HAUS2: variants seen among roughly 807,000 people sequenced by gnomAD.
The protein encoded by HAUS2 is HAUS augmin like complex subunit 2, also known as HAUS augmin-like complex subunit 2.
In HAUS2, 20 loss-of-function variants were observed where a neutral mutation model predicts 21.6. That is an observed-to-expected ratio of 0.93 (90% CI 0.65 to 1.35). The LOEUF is 1.35. HAUS2 is among the 40% of genes most tolerant of loss of function. The probability of loss-of-function intolerance (pLI) is 0.00; values close to 1 mark genes in which losing one functional copy is unlikely to be tolerated. For missense variants in HAUS2, 297 were observed against 280.7 expected (o/e 1.06, Z -0.42); for synonymous variants, 113 against 95.6 (o/e 1.18, Z -1.06).
intron 1 of HAUS2, among the ~76,000 whole-genome samples, chr15:42,556,261 C>CTTTTTTTTT (rs1200353279): frequency 7.9e-5 from 6 of 76,302 alleles, no homozygotes; most frequent in African/African-American, 1.2e-4. Context: ...TGCGCCCAGG[C>CTTTTTTTTT]TTTTTTTTTT....
rs1343977743 is a variant in HAUS2 at position 42,567,030 on chromosome 15, T to TA, written c.*220dup. ...TACCTTTCAGTAAAACTAGAGAAGC[T>TA]AAAAAATAGCCATGACAATTTATTA... On this transcript the variant is annotated 3_prime_UTR_variant, in exon 6 of 6. Coordinates refer to ENST00000260372, the MANE Select transcript of HAUS2 (RefSeq NM_018097.3). The TA allele has an allele frequency of 2.5e-6, 1 of 405,238 alleles. No homozygotes were observed. The highest frequency in any genetic ancestry group is 2.1e-5 in the African/African-American group (1 of 48,202). 25.1% of individuals were successfully genotyped at this position (405,238 alleles called of 1,614,324 possible). A position where few individuals can be genotyped will look rare whatever the true frequency, so the allele number is the denominator to read the frequency against.
chr15:42,555,779 T>A (rs1043024198), intron 1 of HAUS2, among the ~76,000 whole-genome samples: 1 of 152,198 alleles, frequency 6.6e-6, no homozygotes, highest in African/African-American at 2.4e-5. Flanking sequence ...AGTAAACTTT[T>A]ACTATGAAGA....
Position 42,561,271 on chromosome 15 carries a change from T to C in HAUS2, c.258T>C (p.Ala86=). 1.3e-6 allele frequency: 2 copies of C among 1,528,336 alleles called. No individual in the cohort carries two copies. Among genetic ancestry groups the C allele is most frequent in the Non-Finnish European group, 1.8e-6 (2 of 1,102,612 alleles). The allele number at this position is 1,528,336 out of a possible 1,614,324, so 94.7% of individuals were successfully genotyped here. The change falls in exon 4 of 6, where the codon GCT becomes GCC. Residue 86 remains alanine, a splice_region_variant and synonymous_variant. Transcript: ENST00000260372. Reference sequence around the variant, plus strand: ...ATTACTGTTTTTTAATTTGTATAGCTCAGAAGTGTCATACTCTGCAAAGCA... The same window carrying C: ...ATTACTGTTTTTTAATTTGTATAGCCCAGAAGTGTCATACTCTGCAAAGCA... ...TADVVHPFFL[A]QKCHTLQSMN...
intron 3 of HAUS2, chr15:42,560,654 T>TA (rs2141601645): frequency 1.8e-6 from 1 of 555,226 alleles, no homozygotes; most frequent in African/African-American, 1.9e-5. Flanking sequence ...TGTCACTCTG[T>TA]AACCCAGGCT....
Position 42,563,684 on chromosome 15 carries a change from A to G in HAUS2, c.390-65A>G. 3 of 820,124 alleles carry G rather than the reference A, an allele frequency of 3.7e-6. No homozygotes were observed. In the South Asian group the frequency reaches 4.2e-5, roughly 12 times the overall value. 50.8% of individuals were successfully genotyped at this position (820,124 alleles called of 1,614,324 possible). On this transcript the variant is annotated intron_variant, in intron 4 of 5. Transcript: ENST00000260372. ...TCAAATTAAAAGTCCTGATTAAAGG[A>G]GAAGAAAAGGAACGTAAAACAATTA... is the stretch of plus-strand genomic sequence containing the variant.
rs2057851423 is a variant in HAUS2, at chr15:42,561,324, A to G, written c.311A>G (p.Lys104Arg). The change falls in exon 4 of 6, where the codon AAA becomes AGA. Residue 104 changes from lysine to arginine, a missense_variant. Lys to Arg is a conservative substitution (Grantham distance 26). Transcript: ENST00000260372. ...SMNNHLEAVL[K>R]EKRSLRQRLL... is the part of the protein sequence containing the mutation. ...AATAATCATTTGGAAGCAGTGCTGA[A>G]AGAGAAGAGATCCCTTAGGCAAAGA... The G allele has an allele frequency of 1.3e-6, 2 of 1,569,776 alleles. No homozygotes were observed. The highest frequency in any genetic ancestry group is 1.8e-6 in the Non-Finnish European group (2 of 1,139,796).
chr15:42,564,265 C>T (rs1180197652), intron 5 of HAUS2, among the ~76,000 whole-genome samples: 7 of 143,488 alleles, frequency 4.9e-5, no homozygotes, highest in Admixed American at 4.9e-4. Flanking sequence ...CTCCATCTCC[C>T]ATTAAAAAAA....
chr15:42,554,508 T>A (rs919157101), intron 1 of HAUS2, among the ~76,000 whole-genome samples: 1 of 151,540 alleles, frequency 6.6e-6, no homozygotes, highest in Non-Finnish European at 1.5e-5. Context: ...TTTTTTTTTT[T>A]AAGAGAGAGT....
At chr15:42,566,455 T>A (rs1166447716) in intron 5 of HAUS2, 152 bp from the exon 6 acceptor site, 5 of 605,788 alleles carry the variant, frequency 8.3e-6, no homozygotes, top group African/African-American at 1.9e-5. Flanking sequence ...AGTAGGTTTG[T>A]ACTGTAAGAA....
At chr15:42,553,139 A>G (rs1030141216) in intron 1 of HAUS2, among the ~76,000 whole-genome samples, 1 of 151,918 alleles carries the variant, frequency 6.6e-6, no homozygotes. Context: ...GGCACATACC[A>G]CCACGCCCGG....
At chr15:42,554,956 T>G (rs1039196909) in intron 1 of HAUS2, among the ~76,000 whole-genome samples, 3 of 151,492 alleles carry the variant, frequency 2.0e-5, no homozygotes, top group African/African-American at 7.3e-5. Flanking sequence ...GCCTCCCAAG[T>G]AGCTGGGACT....
intron 1 of HAUS2, among the ~76,000 whole-genome samples, chr15:42,554,803 A>G (rs950652023): frequency 2.0e-5 from 3 of 149,444 alleles, no homozygotes; most frequent in African/African-American, 4.9e-5. Context: ...TTTATTTTTC[A>G]TACTGCCCCA....
chr15:42,561,134 A>C, intron 3 of HAUS2, 136 bp from the exon 4 acceptor site: 1 of 598,568 alleles, frequency 1.7e-6, no homozygotes, highest in South Asian at 2.2e-5. Flanking sequence ...TTGGTATTAA[A>C]GACAGCAAAA....
intron 4 of HAUS2, among the ~76,000 whole-genome samples, chr15:42,561,958 G>A (rs1281332788): frequency 6.6e-6 from 1 of 151,840 alleles, no homozygotes; most frequent in East Asian, 1.9e-4. Flanking sequence ...TGAAGATGTA[G>A]ATTATGACTA....
intron 5 of HAUS2, among the ~76,000 whole-genome samples, chr15:42,565,081 C>A (rs1020387643): frequency 1.3e-5 from 2 of 150,728 alleles, no homozygotes; most frequent in Non-Finnish European, 1.5e-5. Flanking sequence ...AGGTGATCCA[C>A]CTGCCTCAGC....
At chr15:42,555,708 C>G (rs1444008209) in intron 1 of HAUS2, among the ~76,000 whole-genome samples, 3 of 152,088 alleles carry the variant, frequency 2.0e-5, no homozygotes, top group Admixed American at 2.0e-4. Flanking sequence ...TTGTTTCACT[C>G]ATATTTGAAT....
At chr15:42,566,569 G>T in intron 5 of HAUS2, 38 bp from the exon 6 acceptor site, 1 of 1,068,028 alleles carries the variant, frequency 9.4e-7, no homozygotes, top group East Asian at 2.4e-5. Context: ...ATTAATAAGA[G>T]ACATAATTTC....
rs2057911734 is a variant in HAUS2 at position 42,566,790 on chromosome 15, C to T, written c.682C>T (p.His228Tyr). The change falls in exon 6 of 6, where the codon CAT becomes TAT. Residue 228 changes from histidine to tyrosine, a missense_variant. Physicochemically the swap from His to Tyr is moderately conservative, Grantham distance 83. Coordinates refer to ENST00000260372, the MANE Select transcript of HAUS2 (RefSeq NM_018097.3). Reference protein sequence around the residue: ...MPPLPFTSKVHVQTINAK With the variant: ...MPPLPFTSKVYVQTINAK The stretch of plus-strand genomic sequence containing the variant: ...TCCTTTACCTTTTACTTCTAAAGTT[C>T]ATGTCCAAACTATTAATGCCAAGTA... The T allele has an allele frequency of 6.6e-7, 1 of 1,523,628 alleles. No homozygotes were observed. The allele number at this position is 1,523,628 out of a possible 1,614,324, so 94.4% of individuals were successfully genotyped here.
chr15:42,563,770 G>A lies in HAUS2; in HGVS notation c.411G>A (p.Glu137=). The change falls in exon 5 of 6, where the codon GAG becomes GAA. Residue 137 remains glutamate (E), a synonymous_variant. Coordinates refer to ENST00000260372, the MANE Select transcript of HAUS2 (RefSeq NM_018097.3). ...VYHRYMVHLL[E]LAVTFIERLE... is the part of the protein sequence containing the mutation. ...TCAGATATATGGTACATTTGCTGGA[G>A]TTGGCTGTGACTTTCATTGAGAGAT... is the stretch of plus-strand genomic sequence containing the variant. 6.4e-7 allele frequency: 1 copy of A among 1,560,608 alleles called. No individual in the cohort carries two copies. The highest frequency in any genetic ancestry group is 8.8e-7 in the Non-Finnish European group (1 of 1,134,878).
Sources: allele counts gnomAD v4.1 joint callset (sites outside exome capture counted in the v4.1 genomes callset), GRCh38; gene constraint gnomAD v4.1.1; transcripts MANE v1.5; gene names NCBI Gene and HGNC (gene_info 2026-07-23, HGNC 2026-07-21).